Variants in BOP1 observed in about 807,000 individuals in gnomAD.
BOP1 encodes the protein BOP1 ribosomal biogenesis factor.
Under a neutral mutation model 82.9 loss-of-function variants are expected in BOP1, and 54 were observed. That is an observed-to-expected ratio of 0.65 (90% CI 0.52 to 0.82). The LOEUF is 0.82. BOP1 is among the 40% of genes least tolerant of loss of function. The pLI is 0.00. For synonymous variants in BOP1, 566 were observed against 451.1 expected (o/e 1.25, Z -3.23); for missense variants, 1,170 against 1,072.0 (o/e 1.09, Z -1.28).
At chr8:144,274,412 C>A (rs1260639127) in intron 3 of BOP1, among the ~76,000 whole-genome samples, 2 of 152,334 alleles carry the variant, frequency 1.3e-5, no homozygotes, top group South Asian at 4.1e-4. Flanking sequence ...TCTCCCACCT[C>A]CCAAGCCTCT....
intron 3 of BOP1, 34 bp from the exon 4 acceptor site, chr8:144,265,105 C>T: frequency 6.3e-7 from 1 of 1,593,480 alleles, no homozygotes; most frequent in Non-Finnish European, 8.5e-7. Context: ...GGCATCTGAT[C>T]CTACAAGGCC....
intron 1 of BOP1, among the ~76,000 whole-genome samples, chr8:144,290,048 A>G (rs939812284): frequency 6.6e-6 from 1 of 152,182 alleles, no homozygotes; most frequent in African/African-American, 2.4e-5. Context: ...GGGTGGAACA[A>G]GAACTTAGAC....
At chr8:144,274,347 G>T (rs1384577683) in intron 3 of BOP1, among the ~76,000 whole-genome samples, 5 of 152,192 alleles carry the variant, frequency 3.3e-5, no homozygotes, top group Non-Finnish European at 7.4e-5. Flanking sequence ...ACACGGGGCT[G>T]CCTGACGGGC....
chr8:144,264,001 G>T lies in BOP1; in HGVS notation c.1120C>A (p.Pro374Thr). ...CACACCCTCATCTTGCGCTGCCGTG[G>T]GCACAGGTACAGGTCAAGGCAGCGC... ...FERCLDLYLC[P>T]RQRKMRVNVD... is the part of the protein sequence containing the mutation. Residue 374 changes from proline to threonine, a missense_variant, in exon 8 of 16, where the codon CCA becomes ACA. Physicochemically the swap from Pro to Thr is conservative, Grantham distance 38. Coordinates refer to ENST00000569669, the MANE Select transcript of BOP1 (RefSeq NM_015201.5). 6.2e-7 allele frequency: 1 copy of T among 1,609,396 alleles called. No individual in the cohort carries two copies. The highest frequency in any genetic ancestry group is 8.5e-7 in the Non-Finnish European group (1 of 1,179,780).
At chr8:144,277,790 G>A (rs1845590435) in intron 2 of BOP1, among the ~76,000 whole-genome samples, 1 of 63,872 alleles carries the variant, frequency 1.6e-5, no homozygotes, top group Non-Finnish European at 4.2e-5. Context: ...AGCGCCCGAA[G>A]GGCAGGGGCG....
intron 2 of BOP1, 86 bp from the exon 3 acceptor site, chr8:144,276,390 G>A (rs948585676): frequency 2.9e-4 from 421 of 1,454,370 alleles, no homozygotes; most frequent in Non-Finnish European, 3.4e-4. Context: ...CCACCACCCC[G>A]AAATCTCTGA....
chr8:144,287,103 A>T (rs782341502), intron 2 of BOP1, among the ~76,000 whole-genome samples: 3 of 151,904 alleles, frequency 2.0e-5, no homozygotes, highest in African/African-American at 4.8e-5. Flanking sequence ...TCCGCCTCCC[A>T]GGTTCAAGTG....
At chr8:144,266,721 C>A in intron 3 of BOP1, 1 of 1,190,476 alleles carries the variant, frequency 8.4e-7, no homozygotes, top group Non-Finnish European at 1.1e-6. Flanking sequence ...CGGGCTCCGA[C>A]GAGAAACCCT....
At chr8:144,288,577 T>C (rs1814948535) in intron 2 of BOP1, among the ~76,000 whole-genome samples, 1 of 152,172 alleles carries the variant, frequency 6.6e-6, no homozygotes, top group African/African-American at 2.4e-5. Flanking sequence ...TTTAGTTAAA[T>C]TATGCTTTTC....
At chr8:144,271,596 G>A (rs1845493992) in intron 3 of BOP1, among the ~76,000 whole-genome samples, 1 of 152,174 alleles carries the variant, frequency 6.6e-6, no homozygotes, top group Admixed American at 6.5e-5. Context: ...CTGTTGAAGT[G>A]CTCAGGGCAA....
chr8:144,276,737 G>A (rs1013911449), intron 2 of BOP1, among the ~76,000 whole-genome samples: 2,424 of 152,326 alleles, frequency 0.016, 68 homozygotes, highest in African/African-American at 0.055. Flanking sequence ...GACGGGGGCA[G>A]CATGGTCGGG....
Position 144,263,331 on chromosome 8 carries a change from A to G in BOP1, c.1495T>C (p.Leu499=). The G allele has an allele frequency of 6.3e-7, 1 of 1,594,952 alleles. No homozygotes were observed. The highest frequency in any genetic ancestry group is 8.5e-7 in the Non-Finnish European group (1 of 1,179,058). ...RLVAGSTDQL[L]SAFVPPEEPP... Reference sequence around the variant, plus strand: ...TCCTCAGGCGGGACGAAGGCGCTCAACAGCTGATCTGTGCTGCCCGCCACC... The same window carrying G: ...TCCTCAGGCGGGACGAAGGCGCTCAGCAGCTGATCTGTGCTGCCCGCCACC... Residue 499 remains leucine, a synonymous_variant, in exon 12 of 16, where the codon TTG becomes CTG. Coordinates refer to ENST00000569669, the MANE Select transcript of BOP1 (RefSeq NM_015201.5).
rs1167765416 is a variant in BOP1, at chr8:144,291,174, C to T, written c.99+98G>A. 9.0e-7 allele frequency: 1 copy of T among 1,109,130 alleles called. No individual in the cohort carries two copies. The highest frequency in any genetic ancestry group is 2.0e-5 in the South Asian group (1 of 49,328). 68.7% of individuals were successfully genotyped at this position (1,109,130 alleles called of 1,614,324 possible). A position where few individuals can be genotyped will look rare whatever the true frequency, so the allele number is the denominator to read the frequency against. On this transcript the variant is annotated intron_variant, in intron 1 of 15. Transcript: ENST00000569669. The surrounding 1 kb of genome is among the most constrained non-coding windows in gnomAD (Gnocchi z 4.1). ...AAGACCGATTCACTGGGCGCGGGCG[C>T]CCAGGTGACAGAAGCCGGGCCCACC...
At chr8:144,280,871 A>C (rs1554838818) in intron 2 of BOP1, among the ~76,000 whole-genome samples, 2 of 150,450 alleles carry the variant, frequency 1.3e-5, no homozygotes, top group African/African-American at 2.5e-5. Flanking sequence ...AAAAATCTGG[A>C]ATCATCACTT....
At chr8:144,287,841 G>C (rs1814924178) in intron 2 of BOP1, among the ~76,000 whole-genome samples, 2 of 152,172 alleles carry the variant, frequency 1.3e-5, no homozygotes, top group Admixed American at 6.5e-5. Context: ...ACCCAACACA[G>C]CTAGCACACA....
chr8:144,281,725 G>C (rs1331169555), intron 2 of BOP1: 1 of 152,352 alleles, frequency 6.6e-6, no homozygotes, highest in East Asian at 1.9e-4. Flanking sequence ...GCAGTGGCAT[G>C]ATCTCAGCTT....
At chr8:144,269,677 G>C (rs1845460259) in intron 3 of BOP1, among the ~76,000 whole-genome samples, 1 of 152,232 alleles carries the variant, frequency 6.6e-6, no homozygotes, top group Admixed American at 6.5e-5. Context: ...GGAGCCCACA[G>C]CTGGCCAGAG....
At position 144,280,148 on chromosome 8, in the gene BOP1, T is replaced by C. The variant is rs587624975; in HGVS notation, c.310-3844A>G. Among the ~76,000 whole-genome samples, 9 of 152,380 alleles carry C rather than the reference T, an allele frequency of 5.9e-5. No individual in the cohort carries two copies. The South Asian group carries it at 6.2e-4, about 11-fold the overall frequency. On this transcript the variant is annotated intron_variant, in intron 2 of 15. Coordinates refer to ENST00000569669, the MANE Select transcript of BOP1 (RefSeq NM_015201.5). ...CAGGGCAGGTGGCAGAACAGCTGCC[T>C]GACTCCCCCATGGGGGCCAAGAAGC...
At chr8:144,284,309 A>G (rs1311204182) in intron 2 of BOP1, among the ~76,000 whole-genome samples, 3 of 152,190 alleles carry the variant, frequency 2.0e-5, no homozygotes, top group Non-Finnish European at 4.4e-5. Flanking sequence ...AACAAAAAAA[A>G]GCATTTATCC....
Sources: gnomAD v4.1 joint callset for allele counts (sites outside exome capture counted in the v4.1 genomes callset) on GRCh38, gnomAD v4.1.1 for gene constraint, Gnocchi (gnomAD v3.1) non-coding constraint, MANE v1.5 for transcripts, NCBI Gene and HGNC (gene_info 2026-07-23, HGNC 2026-07-21) for gene names.